CDIN1: variants seen among roughly 807,000 people sequenced by gnomAD.
The protein encoded by CDIN1 is CDAN1-interacting nuclease 1.
Under a neutral mutation model 45.3 loss-of-function variants are expected in CDIN1, and 33 were observed. That is an observed-to-expected ratio of 0.73 (90% CI 0.55 to 0.97). The LOEUF (loss-of-function observed/expected upper bound fraction) is 0.97. Ranked by LOEUF, CDIN1 falls within the 50% of genes least tolerant of loss-of-function variation. CDIN1 has a pLI of 0.00. For missense variants in CDIN1, 303 were observed against 339.4 expected, an observed-to-expected ratio of 0.89 and a Z score of 0.84; for synonymous variants, 118 against 124.4, an observed-to-expected ratio of 0.95 and a Z score of 0.34.
chr15:36,707,443 A>G (rs552863380), intron 8 of CDIN1: 1 of 152,122 alleles, frequency 6.6e-6, no homozygotes, highest in African/African-American at 2.4e-5. Context: ...GAGGTTTGGG[A>G]TTGTTAATTC....
intron 8 of CDIN1, among the ~76,000 whole-genome samples, chr15:36,701,154 A>ATAGG: frequency 6.6e-6 from 1 of 151,840 alleles, no homozygotes; most frequent in African/African-American, 2.4e-5. Flanking sequence ...AGATAGATAG[A>ATAGG]TAGATAGATA....
intron 1 of CDIN1, chr15:36,614,211 T>G: frequency 3.1e-6 from 2 of 640,274 alleles, no homozygotes; most frequent in South Asian, 1.4e-5. Flanking sequence ...AATGCCCCAT[T>G]CCCACCCTGC....
chr15:36,804,493 G>C (rs1260813361), intron 10 of CDIN1: 1 of 151,814 alleles, frequency 6.6e-6, no homozygotes, highest in African/African-American at 2.4e-5. Context: ...TAGGCATGGA[G>C]GTCATGAATA....
At chr15:36,791,395 T>C (rs2054641986) in intron 10 of CDIN1, among the ~76,000 whole-genome samples, 1 of 152,174 alleles carries the variant, frequency 6.6e-6, no homozygotes, top group Non-Finnish European at 1.5e-5. Context: ...AAACATTAAA[T>C]GCAAATAAAT....
At chr15:36,739,164 G>A (rs1485215081) in intron 10 of CDIN1, among the ~76,000 whole-genome samples, 3 of 152,166 alleles carry the variant, frequency 2.0e-5, no homozygotes, top group African/African-American at 7.2e-5. Context: ...AGGCCAAGGT[G>A]GGAAGCTGAA....
chr15:36,617,979 A>G (rs1231724573), intron 1 of CDIN1: 13 of 776,106 alleles, frequency 1.7e-5, no homozygotes, highest in Non-Finnish European at 2.6e-5. Context: ...ATTCAGACTC[A>G]AGCACAGTAT....
At chr15:36,603,064 A>T (rs2038187970) in intron 1 of CDIN1, among the ~76,000 whole-genome samples, 1 of 151,998 alleles carries the variant, frequency 6.6e-6, no homozygotes, top group Non-Finnish European at 1.5e-5. Flanking sequence ...CTCCTCTGGG[A>T]TTATTACTTT....
At chr15:36,653,670 A>G (rs1195357916) in intron 3 of CDIN1, among the ~76,000 whole-genome samples, 1 of 152,196 alleles carries the variant, frequency 6.6e-6, no homozygotes, top group East Asian at 1.9e-4. Flanking sequence ...TTTCTTAATA[A>G]GGTGTCAAGC....
chr15:36,590,135 C>G (rs1368401935), intron 1 of CDIN1, among the ~76,000 whole-genome samples: 1 of 152,268 alleles, frequency 6.6e-6, no homozygotes, highest in South Asian at 2.1e-4. Context: ...GTGATCTTTT[C>G]TATTCATTCT....
chr15:36,732,960 G>T (rs527244506), intron 10 of CDIN1, among the ~76,000 whole-genome samples: 1 of 151,812 alleles, frequency 6.6e-6, no homozygotes, highest in Non-Finnish European at 1.5e-5. Flanking sequence ...TTTAAATAAA[G>T]AAAATGGGTA....
intron 10 of CDIN1, among the ~76,000 whole-genome samples, chr15:36,803,277 T>C (rs949939530): frequency 2.7e-5 from 4 of 150,720 alleles, no homozygotes; most frequent in Non-Finnish European, 5.9e-5. Context: ...TATTGCTGTA[T>C]AGTGCAAGTT....
At chr15:36,798,066 G>GT in intron 10 of CDIN1, among the ~76,000 whole-genome samples, 1 of 145,912 alleles carries the variant, frequency 6.9e-6, no homozygotes, top group South Asian at 2.2e-4. Context: ...CAAATGAGTA[G>GT]TAACACTGAC....
intron 10 of CDIN1, among the ~76,000 whole-genome samples, chr15:36,780,744 G>A (rs2054329920): frequency 6.6e-6 from 1 of 152,152 alleles, no homozygotes; most frequent in South Asian, 2.1e-4. Context: ...GTGCAATAGA[G>A]TAGATACTAT....
intron 10 of CDIN1, among the ~76,000 whole-genome samples, chr15:36,712,896 C>A (rs1168804125): frequency 1.3e-5 from 2 of 152,050 alleles, no homozygotes; most frequent in African/African-American, 4.8e-5. Flanking sequence ...GCATTTGGAC[C>A]ATAAATATAA....
intron 10 of CDIN1, among the ~76,000 whole-genome samples, chr15:36,750,020 C>T (rs1469287983): frequency 6.6e-6 from 1 of 152,078 alleles, no homozygotes; most frequent in African/African-American, 2.4e-5. Flanking sequence ...ACTCCAGACC[C>T]AGTCACCTGA....
At chr15:36,718,812 CTTTTTTTTTTTT>C (rs3045909) in intron 10 of CDIN1, among the ~76,000 whole-genome samples, 2 of 96,626 alleles carry the variant, frequency 2.1e-5, no homozygotes, top group Non-Finnish European at 3.9e-5. Flanking sequence ...AATTTGTATG[CTTTTTTTTTTTT>C]TTTTTTTTTT....
At chr15:36,619,734 T>C (rs779411214) in intron 1 of CDIN1, among the ~76,000 whole-genome samples, 4 of 152,166 alleles carry the variant, frequency 2.6e-5, no homozygotes, top group South Asian at 4.1e-4. Context: ...AATTACTTTT[T>C]AAAATCTATT....
chr15:36,643,594 A>G (rs2040196690), intron 1 of CDIN1, among the ~76,000 whole-genome samples: 1 of 152,258 alleles, frequency 6.6e-6, no homozygotes, highest in Non-Finnish European at 1.5e-5. Context: ...TAACAATTGC[A>G]AAAGGAAAAT....
chr15:36,726,344 C>G (rs996013089), intron 10 of CDIN1, among the ~76,000 whole-genome samples: 1 of 152,126 alleles, frequency 6.6e-6, no homozygotes, highest in African/African-American at 2.4e-5. Flanking sequence ...GCTTCAGTTC[C>G]AATTTCCTGG....
Sources: allele counts gnomAD v4.1 joint callset (sites outside exome capture counted in the v4.1 genomes callset), GRCh38; gene constraint gnomAD v4.1.1; transcripts MANE v1.5; gene names NCBI Gene and HGNC (gene_info 2026-07-23, HGNC 2026-07-21).